Variants in TACC2 observed in about 807,000 individuals in gnomAD.
The protein encoded by TACC2 is transforming acidic coiled-coil-containing protein 2.
Under a neutral mutation model 227.3 loss-of-function variants are expected in TACC2, and 137 were observed. That is an observed-to-expected ratio of 0.60 (90% CI 0.52 to 0.69). The LOEUF is 0.69. Ranked by LOEUF, TACC2 falls within the 30% of genes least tolerant of loss-of-function variation. The probability of loss-of-function intolerance (pLI) is 0.00; values close to 1 mark genes in which losing one functional copy is unlikely to be tolerated. For missense variants in TACC2, 3,470 were observed against 3,694.4 expected (o/e 0.94, Z 1.57); for synonymous variants, 1,523 against 1,487.5 (o/e 1.02, Z -0.55).
chr10:122,230,445 C>A lies in TACC2; in HGVS notation c.8127+5C>A. 4 of 1,613,744 alleles carry A rather than the reference C, an allele frequency of 2.5e-6. No individual in the cohort carries two copies. Among genetic ancestry groups the A allele is most frequent in the Non-Finnish European group, 3.4e-6 (4 of 1,179,774 alleles). On this transcript the variant is annotated splice_donor_5th_base_variant and intron_variant, in intron 16 of 22. Coordinates refer to ENST00000369005, the MANE Select transcript of TACC2 (RefSeq NM_206862.4). ...CGCAGCCACCAGGATGCCAAGGTAC[C>A]GGTTTGCTGCTGCGTGCGCCACCTC...
chr10:122,073,954 G>A (rs1565215039), intron 3 of TACC2, among the ~76,000 whole-genome samples: 1 of 151,130 alleles, frequency 6.6e-6, no homozygotes, highest in Non-Finnish European at 1.5e-5. Flanking sequence ...TAATTTTTTT[G>A]TATGTTTTAT....
chr10:122,176,073 TTCTCTCTCTCTCTCTCTCTCTCTCTC>T lies in TACC2; in HGVS notation c.5835-18947_5835-18922del, dbSNP rs55655832. ...CTAACCTGAACAACAGAGCAAAACC[TTCTCTCTCTCTCTCTCTCTCTCTCTC>T]TCTCTCTCTCTCTCTCTCTATATAT... On this transcript the variant is annotated intron_variant, in intron 7 of 22. Transcript: ENST00000369005. 2.0e-4 allele frequency among the ~76,000 whole-genome samples: 19 copies of T among 92,772 alleles called. No individual in the cohort carries two copies. In the South Asian group the frequency reaches 7.9e-3, roughly 39 times the overall value. 60.9% of individuals were successfully genotyped at this position (92,772 alleles called of 152,430 possible). A position where few individuals can be genotyped will look rare whatever the true frequency, so the allele number is the denominator to read the frequency against.
At chr10:122,250,540 G>A (rs1189304896) in intron 22 of TACC2, among the ~76,000 whole-genome samples, 1 of 152,180 alleles carries the variant, frequency 6.6e-6, no homozygotes, top group Admixed American at 6.5e-5. Context: ...CAGGGGATTG[G>A]CTGTCCTCCT....
At chr10:122,012,064 A>G (rs1323388243) in intron 1 of TACC2, among the ~76,000 whole-genome samples, 3 of 151,910 alleles carry the variant, frequency 2.0e-5, no homozygotes, top group African/African-American at 7.2e-5. Flanking sequence ...CCGCCTCCCA[A>G]GTTTCTGGAA....
At position 122,132,649 on chromosome 10, in the gene TACC2, G is replaced by C; in HGVS notation, c.5614G>C (p.Ala1872Pro). Reference sequence around the variant, plus strand: ...TGATATCATCCAGCCCGCTGCCCCCGCAGACCTGGAAAGCCCAACCTTAGC... The same window carrying C: ...TGATATCATCCAGCCCGCTGCCCCCCCAGACCTGGAAAGCCCAACCTTAGC... ...ADDIIQPAAP[A>P]DLESPTLAAS... The change falls in exon 6 of 23, where the codon GCA becomes CCA. Residue 1872 changes from alanine to proline, a missense_variant. Transcript: ENST00000369005. The C allele has an allele frequency of 6.2e-7, 1 of 1,614,040 alleles. No homozygotes were observed. The highest frequency in any genetic ancestry group is 8.5e-7 in the Non-Finnish European group (1 of 1,179,996).
At chr10:122,105,942 C>CTGTG (rs756793588) in intron 5 of TACC2, among the ~76,000 whole-genome samples, 14,034 of 109,618 alleles carry the variant, frequency 0.13, 758 homozygotes, top group East Asian at 0.16. Context: ...CATTTTCTCT[C>CTGTG]TCTGTGTGTG....
chr10:122,012,062 C>A (rs996014370), intron 1 of TACC2, among the ~76,000 whole-genome samples: 2 of 151,996 alleles, frequency 1.3e-5, no homozygotes, highest in African/African-American at 4.8e-5. Context: ...TTCCGCCTCC[C>A]AAGTTTCTGG....
At chr10:122,048,883 A>C (rs2075355238) in intron 2 of TACC2, among the ~76,000 whole-genome samples, 1 of 152,256 alleles carries the variant, frequency 6.6e-6, no homozygotes, top group African/African-American at 2.4e-5. Context: ...TAAGATGTTA[A>C]ACTGTGGTAC....
chr10:122,112,936 C>G (rs1041639689), intron 5 of TACC2: 2 of 152,028 alleles, frequency 1.3e-5, no homozygotes, highest in Non-Finnish European at 2.9e-5. Flanking sequence ...AGCAGCTGGC[C>G]GAGCGCTGCC....
intron 5 of TACC2, among the ~76,000 whole-genome samples, chr10:122,106,472 G>A (rs2082819231): frequency 6.6e-6 from 1 of 152,196 alleles, no homozygotes; most frequent in Non-Finnish European, 1.5e-5. Context: ...TCATTTCTAT[G>A]TGGCTTTCCA....
intron 16 of TACC2, among the ~76,000 whole-genome samples, chr10:122,232,981 C>T (rs1263371988): frequency 1.2e-4 from 19 of 152,258 alleles, no homozygotes; most frequent in Admixed American, 1.2e-3. Flanking sequence ...TGAAAATCAC[C>T]ATAAGCTAGA....
chr10:122,062,674 G>A (rs1368511745), intron 3 of TACC2, among the ~76,000 whole-genome samples: 1 of 152,084 alleles, frequency 6.6e-6, no homozygotes, highest in Admixed American at 6.6e-5. Flanking sequence ...CAACCTCTTG[G>A]CTTTTTCAGA....
intron 8 of TACC2, among the ~76,000 whole-genome samples, chr10:122,202,018 T>TC (rs1264594636): frequency 6.6e-6 from 1 of 151,422 alleles, no homozygotes; most frequent in African/African-American, 2.4e-5. Flanking sequence ...TTTAGCTTTT[T>TC]TTTTTTTTTT....
In TACC2 at chr10:122,084,086, G is replaced by A. The variant is rs559696036; in HGVS notation, c.1586G>A (p.Gly529Glu). The change falls in exon 4 of 23, where the codon GGA becomes GAA. Residue 529 changes from glycine (G) to glutamate (E), a missense_variant. Gly to Glu is a moderately conservative substitution (Grantham distance 98). Transcript: ENST00000369005. Reference protein sequence around the residue: ...PKEQSHEVQPGAPPPPLPKAP... With the variant: ...PKEQSHEVQPEAPPPPLPKAP... ...GAGCAAAGCCATGAGGTCCAACCAG[G>A]AGCACCACCCCCTCCTCTTCCCAAG... The A allele has an allele frequency of 1.9e-6, 3 of 1,613,904 alleles. No individual in the cohort carries two copies. In the African/African-American group the frequency reaches 4.0e-5, roughly 22 times the overall value.
At chr10:122,162,774 G>A (rs1770291905) in intron 7 of TACC2, among the ~76,000 whole-genome samples, 1 of 152,144 alleles carries the variant, frequency 6.6e-6, no homozygotes. Flanking sequence ...GGGGTGTCAC[G>A]GACATTCCTA....
chr10:122,174,612 T>C (rs1386981117), intron 7 of TACC2, among the ~76,000 whole-genome samples: 2 of 152,186 alleles, frequency 1.3e-5, no homozygotes, highest in African/African-American at 2.4e-5. Context: ...TTTTTTAAAT[T>C]GAGAAATAAA....
chr10:122,171,614 C>T (rs1056582863), intron 7 of TACC2, among the ~76,000 whole-genome samples: 2 of 152,210 alleles, frequency 1.3e-5, no homozygotes, highest in Non-Finnish European at 2.9e-5. Flanking sequence ...ATGACTTAGG[C>T]CTTTCCGGCT....
At chr10:122,175,393 T>C (rs1592939209) in intron 7 of TACC2, among the ~76,000 whole-genome samples, 1 of 152,320 alleles carries the variant, frequency 6.6e-6, no homozygotes, top group East Asian at 1.9e-4. Flanking sequence ...TAGTTATCAC[T>C]CCTGAACTGT....
intron 3 of TACC2, among the ~76,000 whole-genome samples, chr10:122,074,756 AT>A (rs1301550876): frequency 6.6e-6 from 1 of 152,150 alleles, no homozygotes; most frequent in Non-Finnish European, 1.5e-5. Context: ...AAGACAGTGA[AT>A]TGACTAGGTG....
Sources: allele counts gnomAD v4.1 joint callset (sites outside exome capture counted in the v4.1 genomes callset), GRCh38; gene constraint gnomAD v4.1.1; transcripts MANE v1.5; gene names NCBI Gene and HGNC (gene_info 2026-07-23, HGNC 2026-07-21).